Variants in PCSK2 observed in about 807,000 individuals in gnomAD.
PCSK2 encodes the protein neuroendocrine convertase 2.
PCSK2 carries 14 observed loss-of-function variants against 69.7 expected under a neutral mutation model. The ratio of observed to expected loss-of-function variants is 0.20; its 90% CI spans 0.13 to 0.31. The LOEUF (loss-of-function observed/expected upper bound fraction) is 0.31. Ranked by LOEUF, PCSK2 falls within the 10% of genes least tolerant of loss-of-function variation. The pLI is 1.00. For synonymous variants in PCSK2, 307 were observed against 320.7 expected (o/e 0.96, Z 0.46); for missense variants, 544 against 842.5 (o/e 0.65, Z 4.39).
At chr20:17,309,628 G>C (rs1989437039) in intron 2 of PCSK2, among the ~76,000 whole-genome samples, 1 of 152,020 alleles carries the variant, frequency 6.6e-6, no homozygotes, top group Non-Finnish European at 1.5e-5. Flanking sequence ...GACCAGCCTG[G>C]CCAACATGGT....
intron 2 of PCSK2, among the ~76,000 whole-genome samples, chr20:17,278,594 T>C (rs907598824): frequency 1.3e-5 from 2 of 152,016 alleles, no homozygotes; most frequent in African/African-American, 4.8e-5. Context: ...AGGGGAGGGA[T>C]AGCATTAGGA....
At chr20:17,303,198 T>C (rs1223436809) in intron 2 of PCSK2, among the ~76,000 whole-genome samples, 1 of 144,116 alleles carries the variant, frequency 6.9e-6, no homozygotes, top group African/African-American at 2.5e-5. Context: ...TATATATTTA[T>C]ATTATTATAA....
At chr20:17,473,918 G>C (rs2033247032) in intron 11 of PCSK2, among the ~76,000 whole-genome samples, 1 of 152,210 alleles carries the variant, frequency 6.6e-6, no homozygotes, top group Admixed American at 6.5e-5. Context: ...TCACATGGCA[G>C]GGCAGGATCG....
intron 2 of PCSK2, among the ~76,000 whole-genome samples, chr20:17,277,056 A>G (rs1252365461): frequency 1.3e-5 from 2 of 152,236 alleles, no homozygotes; most frequent in South Asian, 2.1e-4. Context: ...CCACTGCTCA[A>G]TGAAATAAAA....
rs367761085 is a variant in PCSK2 at position 17,344,783 on chromosome 20, CT to C, written c.283-13540del. On this transcript the variant is annotated intron_variant, in intron 2 of 11. Transcript: ENST00000262545. ...GAAAAACAAATAACTTTGGAAGGCT[CT>C]TTTCCCAGTGCCTTCTTACTTCCTT... Among the ~76,000 whole-genome samples the C allele has an allele frequency of 6.6e-4, 100 of 152,208 alleles. 1 individual carries two copies. The East Asian group carries it at 0.018, about 27-fold the overall frequency.
At chr20:17,247,186 C>T (rs1378225615) in intron 1 of PCSK2, among the ~76,000 whole-genome samples, 1 of 152,174 alleles carries the variant, frequency 6.6e-6, no homozygotes. Flanking sequence ...CTACCCCAGA[C>T]CTAAATTCAA....
chr20:17,287,619 T>C (rs1988562240), intron 2 of PCSK2, among the ~76,000 whole-genome samples: 1 of 152,222 alleles, frequency 6.6e-6, no homozygotes, highest in African/African-American at 2.4e-5. Context: ...CATCCACTTA[T>C]CTTATGGAAG....
chr20:17,351,867 T>A (rs4813267), intron 2 of PCSK2, among the ~76,000 whole-genome samples: 102,471 of 151,952 alleles, frequency 0.67, 34,736 homozygotes, highest in African/African-American at 0.73. Flanking sequence ...GGCAAGAGAA[T>A]GAAATAAAAG....
chr20:17,353,388 C>A (rs2030067768), intron 2 of PCSK2, among the ~76,000 whole-genome samples: 1 of 146,860 alleles, frequency 6.8e-6, no homozygotes, highest in African/African-American at 2.6e-5. Context: ...TCGCTTGAAC[C>A]CGGGAGGTGG....
intron 8 of PCSK2, among the ~76,000 whole-genome samples, chr20:17,452,524 A>C (rs1173660421): frequency 1.3e-5 from 2 of 152,176 alleles, no homozygotes; most frequent in Non-Finnish European, 2.9e-5. Context: ...CTCCACTCTT[A>C]AACCACTGAT....
intron 2 of PCSK2, among the ~76,000 whole-genome samples, chr20:17,316,786 G>A (rs949998071): frequency 6.6e-6 from 1 of 152,134 alleles, no homozygotes; most frequent in Non-Finnish European, 1.5e-5. Context: ...ATTGTGATGT[G>A]GCAGACAGAT....
intron 7 of PCSK2, among the ~76,000 whole-genome samples, chr20:17,430,831 T>C (rs1282082128): frequency 6.6e-6 from 1 of 152,214 alleles, no homozygotes; most frequent in Admixed American, 6.5e-5. Context: ...AATTTCTTGT[T>C]CACACACCCA....
intron 7 of PCSK2, among the ~76,000 whole-genome samples, chr20:17,433,129 G>C (rs1276700538): frequency 6.6e-6 from 1 of 152,106 alleles, no homozygotes; most frequent in Non-Finnish European, 1.5e-5. Flanking sequence ...ACCGGGCTTC[G>C]GGATGAGATC....
At chr20:17,454,682 C>T in intron 9 of PCSK2, among the ~76,000 whole-genome samples, 1 of 152,162 alleles carries the variant, frequency 6.6e-6, no homozygotes, top group Non-Finnish European at 1.5e-5. Flanking sequence ...ACAGATCAGC[C>T]TTTTCTTACA....
chr20:17,468,180 A>G (rs1259240134), intron 11 of PCSK2, among the ~76,000 whole-genome samples: 1 of 150,538 alleles, frequency 6.6e-6, no homozygotes, highest in African/African-American at 2.5e-5. Flanking sequence ...GCATCCTCCC[A>G]TGGGCCAGCA....
intron 2 of PCSK2, among the ~76,000 whole-genome samples, chr20:17,316,432 T>C (rs1334196177): frequency 6.6e-6 from 1 of 152,200 alleles, no homozygotes; most frequent in Non-Finnish European, 1.5e-5. Flanking sequence ...CTTGTATAAT[T>C]TTCTTCAGAT....
At chr20:17,315,675 A>G (rs879568827) in intron 2 of PCSK2, among the ~76,000 whole-genome samples, 3 of 152,230 alleles carry the variant, frequency 2.0e-5, no homozygotes, top group Non-Finnish European at 2.9e-5. Context: ...ATCCTTTCGC[A>G]CACAACAGGC....
chr20:17,243,644 C>G (rs1986666047), intron 1 of PCSK2, among the ~76,000 whole-genome samples: 1 of 152,168 alleles, frequency 6.6e-6, no homozygotes, highest in Non-Finnish European at 1.5e-5. Flanking sequence ...TTGTAAGTCA[C>G]TATTACGTAG....
chr20:17,273,892 A>G (rs2123030256), intron 2 of PCSK2, among the ~76,000 whole-genome samples: 1 of 152,296 alleles, frequency 6.6e-6, no homozygotes, highest in East Asian at 1.9e-4. Flanking sequence ...GAATTCCAGG[A>G]CACTGGAAGA....
Sources: gnomAD v4.1 joint callset for allele counts (sites outside exome capture counted in the v4.1 genomes callset) on GRCh38, gnomAD v4.1.1 for gene constraint, MANE v1.5 for transcripts, NCBI Gene and HGNC (gene_info 2026-07-23, HGNC 2026-07-21) for gene names.